Variants in KLHDC8B observed in about 807,000 individuals in gnomAD.
KLHDC8B encodes the protein kelch domain-containing protein 8B.
In KLHDC8B, 19 loss-of-function variants were observed where a neutral mutation model predicts 26.3. The ratio of observed to expected loss-of-function variants is 0.72; its 90% CI spans 0.50 to 1.06. The LOEUF is 1.06. Among genes scored for constraint, KLHDC8B ranks in the 50% least tolerant of loss-of-function variants. KLHDC8B has a pLI of 0.00. For synonymous variants in KLHDC8B, 150 were observed against 188.4 expected, an observed-to-expected ratio of 0.80 and a Z score of 1.67; for missense variants, 411 against 488.1, an observed-to-expected ratio of 0.84 and a Z score of 1.49.
chr3:49,175,346 C>T (rs1354579298), intron 5 of KLHDC8B, among the ~76,000 whole-genome samples, 183 bp downstream of exon 5: 3 of 152,202 alleles, frequency 2.0e-5, no homozygotes, highest in African/African-American at 7.2e-5. Flanking sequence ...GGGTGTTCCT[C>T]AGTGACTGGG....
chr3:49,171,979 C>T, intron 1 of KLHDC8B, among the ~76,000 whole-genome samples: 1 of 152,174 alleles, frequency 6.6e-6, no homozygotes. Context: ...CCCGCCCCAA[C>T]CCCACTTCTG....
intron 3 of KLHDC8B, 104 bp downstream of exon 3, chr3:49,174,507 A>G (rs2045802477): frequency 1.5e-6 from 2 of 1,335,902 alleles, no homozygotes; most frequent in Non-Finnish European, 1.0e-6. Flanking sequence ...TGGCAAAACA[A>G]GAGAAGCTTT....
intron 3 of KLHDC8B, 59 bp downstream of exon 3, chr3:49,174,462 G>T: frequency 6.5e-7 from 1 of 1,549,318 alleles, no homozygotes; most frequent in Non-Finnish European, 8.8e-7. Flanking sequence ...CATCCTCATA[G>T]GTTGGCTGGG....
At chr3:49,174,501 A>C in intron 3 of KLHDC8B, 98 bp downstream of exon 3, 2 of 1,342,958 alleles carry the variant, frequency 1.5e-6, no homozygotes, top group Non-Finnish European at 2.0e-6. Context: ...CCAGGATGGC[A>C]AAACAAGAGA....
chr3:49,175,240 C>T (rs2045815719), intron 5 of KLHDC8B, 77 bp downstream of exon 5: 7 of 1,203,304 alleles, frequency 5.8e-6, no homozygotes, highest in Non-Finnish European at 7.2e-6. Context: ...GTGTCACCTT[C>T]TGCCCATCTC....
Position 49,174,371 on chromosome 3 carries a change from C to G in KLHDC8B, c.509C>G (p.Thr170Ser), listed in dbSNP as rs2045800191. 6 of 1,613,876 alleles carry G rather than the reference C, an allele frequency of 3.7e-6. No individual in the cohort carries two copies. The highest frequency in any genetic ancestry group is 5.1e-6 in the Non-Finnish European group (6 of 1,179,890). ...CCCACACCCTGCTATGGGGCCTCCA[C>G]CTTCCTGCACGGGAACAAGATCTAT... The part of the protein sequence containing the change: ...SMPTPCYGAS[T>S]FLHGNKIYVL... Residue 170 changes from threonine to serine, a missense_variant, in exon 3 of 6, where the codon ACC (threonine) becomes AGC (serine). Thr to Ser is a moderately conservative substitution (Grantham distance 58, BLOSUM62 1). Transcript: ENST00000332780.
Position 49,172,987 on chromosome 3 carries a change from C to T in KLHDC8B, c.218C>T (p.Ala73Val), listed in dbSNP as rs2045782586. ...CTGCCCACTGCCCGGGCTGGTGCAG[C>T]TGCGGTAGTTCTGGGCAAGCAGGTG... ...APLPTARAGA[A>V]AVVLGKQVLV... The change falls in exon 2 of 6, where the codon GCT becomes GTT. Residue 73 changes from alanine (A) to valine (V), a missense_variant. By Grantham distance (64) the Ala-to-Val change is moderately conservative (BLOSUM62 0). Transcript: ENST00000332780. 1 of 1,613,968 alleles carries T rather than the reference C, an allele frequency of 6.2e-7. No individual in the cohort carries two copies. Among genetic ancestry groups the T allele is most frequent in the Non-Finnish European group, 8.5e-7 (1 of 1,179,998 alleles).
chr3:49,172,694 T>C lies in KLHDC8B; in HGVS notation c.-76T>C. ...TCTTGTGGCCCTGGCAGAATCAAGA[T>C]GAGGCCCTGTCATGCCTCCCCAGTG... On this transcript the variant is annotated 5_prime_UTR_variant, in exon 2 of 6. It removes an upstream start codon present in the reference 5' UTR. Coordinates refer to ENST00000332780, the MANE Select transcript of KLHDC8B (RefSeq NM_173546.3). 1 of 1,463,844 alleles carries C rather than the reference T, an allele frequency of 6.8e-7. No individual in the cohort carries two copies. The highest frequency in any genetic ancestry group is 9.3e-7 in the Non-Finnish European group (1 of 1,076,744). The allele number at this position is 1,463,844 out of a possible 1,614,324, so 90.7% of individuals were successfully genotyped here. A position where few individuals can be genotyped will look rare whatever the true frequency, so the allele number is the denominator to read the frequency against.
chr3:49,173,193 A>G (rs1392115642), intron 2 of KLHDC8B, 48 bp downstream of exon 2: 2 of 1,504,210 alleles, frequency 1.3e-6, no homozygotes, highest in Admixed American at 2.1e-5. Flanking sequence ...AACACCTTTT[A>G]TTATTTCCTG....
At chr3:49,174,088 C>A in intron 2 of KLHDC8B, 151 bp from the exon 3 acceptor site, 3 of 529,826 alleles carry the variant, frequency 5.7e-6, no homozygotes, top group Middle Eastern at 4.7e-4. Flanking sequence ...TCCCAGCCCC[C>A]ACTGCAGGCA....
In KLHDC8B at chr3:49,175,902, TGA is replaced by T. The variant is rs1559426158; in HGVS notation, c.*107_*108del. On this transcript the variant is annotated 3_prime_UTR_variant, in exon 6 of 6. Coordinates refer to ENST00000332780, the MANE Select transcript of KLHDC8B (RefSeq NM_173546.3). ...GGACACTCACTGTGGCTCTGTGGGA[TGA>T]GAGAGGCATGGGGGTGAGCACTTGA... 5.0e-6 allele frequency: 6 copies of T among 1,199,602 alleles called. No individual in the cohort carries two copies. In the African/African-American group the frequency reaches 7.4e-5, roughly 15 times the overall value. The allele number at this position is 1,199,602 out of a possible 1,614,324, so 74.3% of individuals were successfully genotyped here. A position where few individuals can be genotyped will look rare whatever the true frequency, so the allele number is the denominator to read the frequency against.
chr3:49,172,677 C>T lies in KLHDC8B; in HGVS notation c.-93C>T. On this transcript the variant is annotated 5_prime_UTR_variant, in exon 2 of 6. Transcript: ENST00000332780. ...TGGACTGGTCATATACCTCTTGTGG[C>T]CCTGGCAGAATCAAGATGAGGCCCT... 1.5e-6 allele frequency: 2 copies of T among 1,339,142 alleles called. No homozygotes were observed. The highest frequency in any genetic ancestry group is 1.4e-5 in the South Asian group (1 of 73,968). 83.0% of individuals were successfully genotyped at this position (1,339,142 alleles called of 1,614,324 possible). A position where few individuals can be genotyped will look rare whatever the true frequency, so the allele number is the denominator to read the frequency against.
chr3:49,173,700 T>G (rs563281485), intron 2 of KLHDC8B, among the ~76,000 whole-genome samples: 1 of 152,256 alleles, frequency 6.6e-6, no homozygotes, highest in East Asian at 1.9e-4. Flanking sequence ...TGAAAGAGTG[T>G]CACACAGAGG....
At chr3:49,174,540 C>T (rs1428233725) in intron 3 of KLHDC8B, 137 bp downstream of exon 3, 3 of 1,189,176 alleles carry the variant, frequency 2.5e-6, no homozygotes, top group Non-Finnish European at 3.5e-6. Context: ...CATGCCTGCT[C>T]TGAGGCTCTG....
intron 2 of KLHDC8B, 61 bp from the exon 3 acceptor site, chr3:49,174,178 C>A: frequency 7.4e-7 from 1 of 1,342,670 alleles, no homozygotes; most frequent in Non-Finnish European, 1.0e-6. Context: ...ACCAGGGCAG[C>A]TGTCAGGGTG....
chr3:49,173,471 G>A (rs9811460), intron 2 of KLHDC8B, among the ~76,000 whole-genome samples: 8,979 of 152,196 alleles, frequency 0.059, 913 homozygotes, highest in African/African-American at 0.21. Flanking sequence ...AGTCTGGGGT[G>A]GGGGAGAGGA....
chr3:49,175,691 C>T lies in KLHDC8B; in HGVS notation c.955C>T (p.Arg319Cys), dbSNP rs762296390. 4.3e-6 allele frequency: 7 copies of T among 1,613,456 alleles called. No individual in the cohort carries two copies. In the Admixed American group the frequency reaches 6.7e-5, roughly 15 times the overall value. ...WEALPAMPTA[R>C]CSCSSLQAGP... Reference sequence around the variant, plus strand: ...GGCATTGCCTGCCATGCCCACTGCCCGCTGCTCCTGCTCTAGTCTGCAGGC... The same window carrying T: ...GGCATTGCCTGCCATGCCCACTGCCTGCTGCTCCTGCTCTAGTCTGCAGGC... The change falls in exon 6 of 6, where the codon CGC becomes TGC. Residue 319 changes from arginine to cysteine, a missense_variant. Coordinates refer to ENST00000332780, the MANE Select transcript of KLHDC8B (RefSeq NM_173546.3).
At chr3:49,173,196 A>T (rs1306473160) in intron 2 of KLHDC8B, 51 bp downstream of exon 2, 1 of 1,497,168 alleles carries the variant, frequency 6.7e-7, no homozygotes, top group South Asian at 1.3e-5. Context: ...ACCTTTTATT[A>T]TTTCCTGACT....
In KLHDC8B at chr3:49,175,164, G is replaced by A; in HGVS notation, c.868+1G>A. The A allele has an allele frequency of 6.2e-7, 1 of 1,612,966 alleles. No individual in the cohort carries two copies. Among genetic ancestry groups the A allele is most frequent in the Non-Finnish European group, 8.5e-7 (1 of 1,179,134 alleles). On this transcript the variant is annotated splice_donor_variant, in intron 5 of 5. Transcript: ENST00000332780. LOFTEE classifies it high-confidence loss of function. Reference sequence around the variant, plus strand: ...CACATTGTGGCCATTGGGGGCCTTGGTAAGTCTCTATGGGGCTGGGGAGAG... The same window carrying A: ...CACATTGTGGCCATTGGGGGCCTTGATAAGTCTCTATGGGGCTGGGGAGAG...
Sources: allele counts gnomAD v4.1 joint callset (sites outside exome capture counted in the v4.1 genomes callset), GRCh38; gene constraint gnomAD v4.1.1; transcripts MANE v1.5; gene names NCBI Gene and HGNC (gene_info 2026-07-23, HGNC 2026-07-21).